The following TEX11 variants were observed in gnomAD, a reference collection of about 807,000 sequenced individuals.
TEX11 encodes testis-expressed protein 11.
Under a neutral mutation model 84.4 loss-of-function variants are expected in TEX11, and 7 were observed. That is an observed-to-expected ratio of 0.08 (90% confidence interval 0.05 to 0.16). The LOEUF is 0.16. Among genes scored for constraint, TEX11 ranks in the 10% least tolerant of loss-of-function variants. TEX11 has a pLI of 1.00. For synonymous variants in TEX11, 264 were observed against 222.8 expected, an observed-to-expected ratio of 1.18 and a Z score of -1.64; for missense variants, 551 against 660.5, an observed-to-expected ratio of 0.83 and a Z score of 1.82.
At chrX:70,673,921 TA>T (rs2090046431) in intron 15 of TEX11, among the ~76,000 whole-genome samples, 1 of 111,854 alleles carries the variant, frequency 8.9e-6, no homozygotes, top group Non-Finnish European at 1.9e-5. Context: ...ATTTTAGGTT[TA>T]GGGGTACAGG....
Position 70,588,917 on chromosome X carries a change from A to T in TEX11, c.2140+2834T>A, listed in dbSNP as rs1193206574. On this transcript the variant is annotated intron_variant, in intron 25 of 29. Transcript: ENST00000374333. Reference sequence around the variant, plus strand: ...CACTGCACTCCATCCTAAGCAACAGACCAAAACCCCAACTCAAAAAAAAAA... The same window carrying T: ...CACTGCACTCCATCCTAAGCAACAGTCCAAAACCCCAACTCAAAAAAAAAA... Among the ~76,000 whole-genome samples, 3 of 102,124 alleles carry T rather than the reference A, an allele frequency of 2.9e-5. No individual in the cohort carries two copies. The Admixed American group carries it at 3.2e-4, about 11-fold the overall frequency. 88.7% of individuals were successfully genotyped at this position (102,124 alleles called of 115,157 possible). A position where few individuals can be genotyped will look rare whatever the true frequency, so the allele number is the denominator to read the frequency against.
At chrX:70,700,303 GA>G (rs2040158815) in intron 13 of TEX11, among the ~76,000 whole-genome samples, 1 of 111,454 alleles carries the variant, frequency 9.0e-6, no homozygotes, top group Admixed American at 9.6e-5. Context: ...TTTACAAATT[GA>G]AGATGTGTGG....
intron 16 of TEX11, among the ~76,000 whole-genome samples, chrX:70,654,681 A>G (rs1354972072): frequency 1.1e-5 from 1 of 93,633 alleles, no homozygotes; most frequent in African/African-American, 4.0e-5. Context: ...ACTGCACTCC[A>G]GCCTGGGCAT....
At chrX:70,856,954 T>C (rs1289073337) in intron 5 of TEX11, among the ~76,000 whole-genome samples, 5 of 111,279 alleles carry the variant, frequency 4.5e-5, no homozygotes, top group African/African-American at 9.8e-5. Flanking sequence ...AAGAAACCAA[T>C]TGGAGAGGGG....
intron 9 of TEX11, among the ~76,000 whole-genome samples, chrX:70,780,834 T>A (rs1464562702): frequency 8.9e-6 from 1 of 112,333 alleles, no homozygotes; most frequent in East Asian, 2.8e-4. Flanking sequence ...CCACCGCAGC[T>A]CAGCAAGGCC....
intron 9 of TEX11, among the ~76,000 whole-genome samples, chrX:70,753,940 A>G (rs1255511604): frequency 9.0e-6 from 1 of 110,926 alleles, no homozygotes; most frequent in East Asian, 2.8e-4. Context: ...ACCAGCAGTG[A>G]TAGTCAGGTC....
At chrX:70,693,576 A>G (rs1366245677) in intron 13 of TEX11, among the ~76,000 whole-genome samples, 1 of 111,615 alleles carries the variant, frequency 9.0e-6, no homozygotes, top group Non-Finnish European at 1.9e-5. Flanking sequence ...TCATTGAAAC[A>G]AGGTAGAATG....
At chrX:70,668,306 C>T (rs974905751) in intron 16 of TEX11, among the ~76,000 whole-genome samples, 1 of 112,319 alleles carries the variant, frequency 8.9e-6, no homozygotes, top group African/African-American at 3.2e-5. Context: ...AATGCTCAAG[C>T]AACTCAAAGG....
intron 2 of TEX11, among the ~76,000 whole-genome samples, chrX:70,899,706 A>G (rs1016108725): frequency 4.6e-5 from 5 of 108,204 alleles, no homozygotes; most frequent in African/African-American, 1.7e-4. Flanking sequence ...ACTTGAGCTC[A>G]GGAGTTCAAG....
chrX:70,698,922 T>C (rs1480401608), intron 13 of TEX11, among the ~76,000 whole-genome samples: 1 of 111,929 alleles, frequency 8.9e-6, no homozygotes, highest in African/African-American at 3.2e-5. Flanking sequence ...GTACTCCCAA[T>C]AAATTATGCT....
chrX:70,686,711 A>T (rs985847025), intron 13 of TEX11, among the ~76,000 whole-genome samples: 2 of 110,727 alleles, frequency 1.8e-5, no homozygotes, highest in African/African-American at 6.6e-5. Context: ...AAAAAAAAAA[A>T]ATACAGAATG....
At chrX:70,545,111 A>G (rs1254609106) in intron 28 of TEX11, among the ~76,000 whole-genome samples, 1 of 109,659 alleles carries the variant, frequency 9.1e-6, no homozygotes, top group East Asian at 2.9e-4. Context: ...AGGCTGAAGC[A>G]GGAAAACTGC....
At chrX:70,805,017 T>C (rs1370084544) in intron 9 of TEX11, among the ~76,000 whole-genome samples, 3 of 102,911 alleles carry the variant, frequency 2.9e-5, no homozygotes, top group Middle Eastern at 4.3e-3. Flanking sequence ...TCCTGCCTTC[T>C]TGGCATACTG....
Position 70,860,904 on chromosome X carries a change from A to G in TEX11, c.277T>C (p.Cys93Arg). 8.4e-7 allele frequency: 1 copy of G among 1,188,953 alleles called. No individual in the cohort carries two copies. Among genetic ancestry groups the G allele is most frequent in the Non-Finnish European group, 1.1e-6 (1 of 886,883 alleles). Residue 93 changes from cysteine (C) to arginine (R), a missense_variant, in exon 5 of 30, where the codon TGT (cysteine) becomes CGT (arginine). Cys to Arg is a radical substitution (Grantham distance 180, BLOSUM62 -3). Coordinates refer to ENST00000374333, the MANE Select transcript of TEX11 (RefSeq NM_031276.3). The stretch of plus-strand genomic sequence containing the variant: ...TGTTCTGAGGCAAATGAGGCTTCAC[A>G]CATACTCAGCAACTTGCAAGCAACA... Reference protein sequence around the residue: ...HYVACKLLSMCEASFASEQSI... With the variant: ...HYVACKLLSMREASFASEQSI...
chrX:70,672,500 G>A (rs757252591), intron 15 of TEX11, among the ~76,000 whole-genome samples: 7 of 111,684 alleles, frequency 6.3e-5, no homozygotes, highest in African/African-American at 1.3e-4. Context: ...CAACATCTTC[G>A]TCAGCATTTG....
At chrX:70,690,732 G>A (rs945383893) in intron 13 of TEX11, among the ~76,000 whole-genome samples, 7 of 111,079 alleles carry the variant, frequency 6.3e-5, no homozygotes, top group African/African-American at 2.3e-4. Flanking sequence ...GGTTTTAAAA[G>A]TGTATATAGA....
intron 18 of TEX11, 25 bp from the exon 19 acceptor site, chrX:70,624,949 T>C (rs5980983): frequency 0.2 from 212,769 of 1,071,955 alleles, 15,291 homozygotes; most frequent in Middle Eastern, 0.22. Flanking sequence ...TATAATACGT[T>C]AAATTACATC....
At chrX:70,569,283 T>C (rs2088548525) in intron 25 of TEX11, among the ~76,000 whole-genome samples, 1 of 111,808 alleles carries the variant, frequency 8.9e-6, no homozygotes, top group South Asian at 3.8e-4. Context: ...TTCTCTGTAT[T>C]GGTTATTCTA....
At chrX:70,812,001 A>G (rs1169537831) in intron 8 of TEX11, among the ~76,000 whole-genome samples, 3 of 110,988 alleles carry the variant, frequency 2.7e-5, no homozygotes, top group African/African-American at 9.8e-5. Flanking sequence ...ATGGTAGTTT[A>G]TTTTGCTGTG....
Sources: gnomAD v4.1 joint callset for allele counts (sites outside exome capture counted in the v4.1 genomes callset) on GRCh38, gnomAD v4.1.1 for gene constraint, MANE v1.5 for transcripts, NCBI Gene and HGNC (gene_info 2026-07-23, HGNC 2026-07-21) for gene names.